Variants in ASIC2 observed in about 807,000 individuals in gnomAD.
ASIC2 encodes acid-sensing ion channel 2.
In ASIC2, 25 loss-of-function variants were observed where a neutral mutation model predicts 57.3. The ratio of observed to expected loss-of-function variants is 0.44; its 90% CI spans 0.32 to 0.61. The LOEUF (loss-of-function observed/expected upper bound fraction) is 0.61, where lower values mean the gene tolerates loss of function less well. Among genes scored for constraint, ASIC2 ranks in the 20% least tolerant of loss-of-function variants. The probability of loss-of-function intolerance (pLI) is 0.06; values close to 1 mark genes in which losing one functional copy is unlikely to be tolerated. For missense variants in ASIC2, 641 were observed against 738.1 expected, an observed-to-expected ratio of 0.87 and a Z score of 1.52; for synonymous variants, 319 against 307.5, an observed-to-expected ratio of 1.04 and a Z score of -0.39.
intron 1 of ASIC2, among the ~76,000 whole-genome samples, chr17:33,876,999 G>A (rs1914562816): frequency 6.6e-6 from 1 of 152,214 alleles, no homozygotes; most frequent in Non-Finnish European, 1.5e-5. Context: ...CTTTGCCACA[G>A]CAAACACCAA....
At chr17:33,428,069 C>T (rs114694939) in intron 1 of ASIC2, among the ~76,000 whole-genome samples, 454 of 152,314 alleles carry the variant, frequency 3.0e-3, no homozygotes, top group African/African-American at 0.011. Flanking sequence ...TTCCAGCCTC[C>T]AGCTGACATC....
chr17:33,539,553 T>A (rs1011925064), intron 1 of ASIC2, among the ~76,000 whole-genome samples: 2 of 152,236 alleles, frequency 1.3e-5, no homozygotes. Flanking sequence ...ACTTTAACAT[T>A]CAATGCCTTG....
At chr17:33,422,652 G>A (rs1453161431) in intron 1 of ASIC2, among the ~76,000 whole-genome samples, 2 of 152,186 alleles carry the variant, frequency 1.3e-5, no homozygotes, top group African/African-American at 2.4e-5. Context: ...GGCTGATGCA[G>A]ATGCTGTGGT....
intron 1 of ASIC2, among the ~76,000 whole-genome samples, chr17:33,754,044 C>A (rs562092991): frequency 6.6e-6 from 1 of 152,224 alleles, no homozygotes; most frequent in South Asian, 2.1e-4. Context: ...CTCTAAAAAT[C>A]AATTTTAAAA....
Position 33,331,830 on chromosome 17 carries a change from C to T in ASIC2, c.556-219763G>A, listed in dbSNP as rs550370321. Among the ~76,000 whole-genome samples the T allele has an allele frequency of 1.4e-4, 21 of 152,296 alleles. No homozygotes were observed. The South Asian group carries it at 2.5e-3, about 18-fold the overall frequency. The stretch of plus-strand genomic sequence containing the variant: ...GGTTTAGGAAAGGTAGGCAACTGCC[C>T]GTAGTCATTCTGCTAGAAGCAATAG... On this transcript the variant is annotated intron_variant, in intron 1 of 9. Coordinates refer to the ASIC2 transcript ENST00000359872.
chr17:33,653,745 A>G (rs539460518), intron 1 of ASIC2, among the ~76,000 whole-genome samples: 1 of 152,344 alleles, frequency 6.6e-6, no homozygotes, highest in South Asian at 2.1e-4. Flanking sequence ...AACTTGTGAT[A>G]TAGAAGAAGA....
intron 1 of ASIC2, among the ~76,000 whole-genome samples, chr17:34,075,822 CCTTT>C (rs1567810700): frequency 3.5e-5 from 4 of 115,352 alleles, no homozygotes; most frequent in South Asian, 2.9e-4. Context: ...TTTTCTTTTT[CCTTT>C]TTTTTTTTTT....
chr17:34,095,646 TATATATATAATTTTATATATATATAG>T (rs1555595847), intron 1 of ASIC2, among the ~76,000 whole-genome samples: 20,862 of 118,772 alleles, frequency 0.18, 1,996 homozygotes, highest in African/African-American at 0.33. Context: ...TATATATATA[TATATATATAATTTTATATATATATAG>T]AGAGAGAGAT....
At chr17:33,194,264 CA>C (rs1906540731) in intron 1 of ASIC2, among the ~76,000 whole-genome samples, 1 of 152,196 alleles carries the variant, frequency 6.6e-6, no homozygotes, top group East Asian at 1.9e-4. Context: ...TTTCCAATGC[CA>C]TTCTGACCAA....
At chr17:34,142,166 T>A (rs1162970076) in intron 1 of ASIC2, among the ~76,000 whole-genome samples, 1 of 152,078 alleles carries the variant, frequency 6.6e-6, no homozygotes, top group Non-Finnish European at 1.5e-5. Context: ...AATGGGCATC[T>A]CTCAGGGACA....
At chr17:33,221,319 T>A (rs1347675416) in intron 1 of ASIC2, among the ~76,000 whole-genome samples, 3 of 152,074 alleles carry the variant, frequency 2.0e-5, no homozygotes. Context: ...AAATAAAAAA[T>A]TAAAAATTCA....
At chr17:33,641,124 C>T (rs72811172) in intron 1 of ASIC2, among the ~76,000 whole-genome samples, 6,998 of 152,210 alleles carry the variant, frequency 0.046, 188 homozygotes, top group South Asian at 0.12. Context: ...GCCTCTGTTC[C>T]TCTCTCCATG....
At chr17:33,127,165 G>C (rs1023826227) in intron 1 of ASIC2, among the ~76,000 whole-genome samples, 8 of 149,508 alleles carry the variant, frequency 5.4e-5, no homozygotes, top group African/African-American at 2.0e-4. Flanking sequence ...CACCGCTCCC[G>C]GCCGCAACCC....
At chr17:34,035,391 T>C (rs1907830829) in intron 1 of ASIC2, among the ~76,000 whole-genome samples, 1 of 146,440 alleles carries the variant, frequency 6.8e-6, no homozygotes, top group Non-Finnish European at 1.5e-5. Context: ...TCAAGATGGA[T>C]TAAAGACTTA....
intron 1 of ASIC2, among the ~76,000 whole-genome samples, chr17:33,993,031 G>T (rs1159156769): frequency 6.6e-6 from 1 of 152,094 alleles, no homozygotes; most frequent in Non-Finnish European, 1.5e-5. Flanking sequence ...CCTGGAGTGG[G>T]TATTGGATAT....
At chr17:33,151,529 G>A (rs1170414475) in intron 1 of ASIC2, among the ~76,000 whole-genome samples, 2 of 152,172 alleles carry the variant, frequency 1.3e-5, no homozygotes, top group Non-Finnish European at 2.9e-5. Context: ...AAGTTCATTC[G>A]TTGGAAACTT....
intron 1 of ASIC2, among the ~76,000 whole-genome samples, chr17:33,266,154 C>A (rs59798098): frequency 0.011 from 1,673 of 152,276 alleles, 27 homozygotes; most frequent in African/African-American, 0.038. Context: ...CCTACCTTGA[C>A]CACAAAACTT....
At chr17:34,095,782 T>C (rs967579354) in intron 1 of ASIC2, among the ~76,000 whole-genome samples, 18 of 148,518 alleles carry the variant, frequency 1.2e-4, no homozygotes, top group African/African-American at 4.4e-4. Flanking sequence ...ACAGATAATG[T>C]AGGGGAAGGC....
At chr17:33,118,152 C>G (rs1015347181) in intron 1 of ASIC2, among the ~76,000 whole-genome samples, 1 of 152,132 alleles carries the variant, frequency 6.6e-6, no homozygotes, top group African/African-American at 2.4e-5. Context: ...ACAGTGGATA[C>G]CACCAATCTG....
Sources: gnomAD v4.1 joint callset for allele counts (sites outside exome capture counted in the v4.1 genomes callset) on GRCh38, gnomAD v4.1.1 for gene constraint, MANE v1.5 for transcripts, NCBI Gene and HGNC (gene_info 2026-07-23, HGNC 2026-07-21) for gene names.